The following KIT variants were observed in gnomAD, a reference collection of about 807,000 sequenced individuals.
KIT encodes the protein KIT proto-oncogene, receptor tyrosine kinase.
A neutral mutation model predicts 105.7 loss-of-function variants in KIT; 16 were observed. That is an observed-to-expected ratio of 0.15 (90% CI 0.10 to 0.23). The LOEUF is 0.23. Ranked by LOEUF, KIT falls within the 10% of genes least tolerant of loss-of-function variation. KIT has a pLI of 1.00. For synonymous variants in KIT, 438 were observed against 441.1 expected, an observed-to-expected ratio of 0.99 and a Z score of 0.09; for missense variants, 858 against 1,213.8, an observed-to-expected ratio of 0.71 and a Z score of 4.36.
At chr4:54,692,933 T>A (rs1240956738) in intron 1 of KIT, among the ~76,000 whole-genome samples, 1 of 152,206 alleles carries the variant, frequency 6.6e-6, no homozygotes, top group East Asian at 1.9e-4. Flanking sequence ...TAAACAGGAA[T>A]TGAGACTGGT....
At chr4:54,704,018 T>G in intron 5 of KIT, 126 bp downstream of exon 5, 1 of 880,024 alleles carries the variant, frequency 1.1e-6, no homozygotes, top group Non-Finnish European at 1.9e-6. Context: ...ACTGAATGAA[T>G]GAAAATTATC....
At chr4:54,680,428 G>A (rs1388351226) in intron 1 of KIT, among the ~76,000 whole-genome samples, 1 of 99,286 alleles carries the variant, frequency 1.0e-5, no homozygotes, top group Non-Finnish European at 1.9e-5. Flanking sequence ...TTTTGCTCTT[G>A]TTGCCCAGGC....
intron 7 of KIT, among the ~76,000 whole-genome samples, chr4:54,717,331 T>C (rs1721571461): frequency 6.6e-6 from 1 of 152,184 alleles, no homozygotes; most frequent in Non-Finnish European, 1.5e-5. Context: ...TTCCTCCCTA[T>C]CTCATAAGAA....
intron 1 of KIT, among the ~76,000 whole-genome samples, chr4:54,688,188 T>C (rs897994634): frequency 6.6e-6 from 1 of 152,210 alleles, no homozygotes; most frequent in African/African-American, 2.4e-5. Context: ...ATCATCTCTT[T>C]GTTTGTAAAG....
chr4:54,718,213 G>C (rs571274407), intron 7 of KIT, among the ~76,000 whole-genome samples: 9 of 152,248 alleles, frequency 5.9e-5, no homozygotes, highest in African/African-American at 1.9e-4. Flanking sequence ...CAGTTCTCCT[G>C]CCTCAGCCTC....
rs563284298 is a variant in KIT at position 54,740,526 on chromosome 4, A to G, written c.*1969A>G. 19 of 233,020 alleles carry G rather than the reference A, an allele frequency of 8.2e-5. No homozygotes were observed. The highest frequency in any genetic ancestry group is 1.5e-4 in the Non-Finnish European group (18 of 117,756). The allele number at this position is 233,020 out of a possible 1,614,324, so 14.4% of individuals were successfully genotyped here. A position where few individuals can be genotyped will look rare whatever the true frequency, so the allele number is the denominator to read the frequency against. On this transcript the variant is annotated 3_prime_UTR_variant, in exon 21 of 21. Coordinates refer to ENST00000288135, the MANE Select transcript of KIT (RefSeq NM_000222.3). ...TTTGTAAATATTGAAATGTAGCAAT[A>G]ATGTCTTTTGAATATTCCCAAGCCC...
At chr4:54,686,420 C>G (rs1719315663) in intron 1 of KIT, among the ~76,000 whole-genome samples, 1 of 152,132 alleles carries the variant, frequency 6.6e-6, no homozygotes, top group African/African-American at 2.4e-5. Context: ...AAAAGCTAAA[C>G]AGAAATTTGC....
chr4:54,663,286 CT>C (rs1717427465), intron 1 of KIT, among the ~76,000 whole-genome samples: 1 of 152,192 alleles, frequency 6.6e-6, no homozygotes, highest in Non-Finnish European at 1.5e-5. Context: ...GCTGTGTGCT[CT>C]GGGACAAGAC....
chr4:54,712,723 C>A, intron 7 of KIT, among the ~76,000 whole-genome samples: 1 of 152,152 alleles, frequency 6.6e-6, no homozygotes, highest in East Asian at 1.9e-4. Context: ...AAAAGGATAT[C>A]TTCTTGGATT....
Position 54,727,505 on chromosome 4 carries a change from T to A in KIT, c.1737T>A (p.Asp579Glu), listed in dbSNP as rs773366034. The A allele has an allele frequency of 6.2e-7, 1 of 1,614,082 alleles. No individual in the cohort carries two copies. The highest frequency in any genetic ancestry group is 1.1e-5 in the South Asian group (1 of 91,078). Reference sequence around the variant, plus strand: ...TAGACCCAACACAACTTCCTTATGATCACAAATGGGAGTTTCCCAGAAACA... The same window carrying A: ...TAGACCCAACACAACTTCCTTATGAACACAAATGGGAGTTTCCCAGAAACA... ...VYIDPTQLPYDHKWEFPRNRL... is the reference protein window; with the variant it reads ...VYIDPTQLPYEHKWEFPRNRL... The change falls in exon 11 of 21, where the codon GAT becomes GAA. Residue 579 changes from aspartate to glutamate, a missense_variant. This residue lies in a region of KIT where 78 missense variants were observed against 77.6 expected (regional missense o/e 1.01). Coordinates refer to ENST00000288135, the MANE Select transcript of KIT (RefSeq NM_000222.3).
At chr4:54,708,217 T>A (rs1720914004) in intron 6 of KIT, among the ~76,000 whole-genome samples, 1 of 152,096 alleles carries the variant, frequency 6.6e-6, no homozygotes, top group Non-Finnish European at 1.5e-5. Context: ...AGACAGTGAC[T>A]TTGTTTTGGG....
intron 17 of KIT, among the ~76,000 whole-genome samples, chr4:54,733,876 C>T (rs747781788): frequency 1.2e-4 from 18 of 152,132 alleles, no homozygotes; most frequent in Admixed American, 4.6e-4. Flanking sequence ...GGCATCCCAT[C>T]GCCATGGAAA....
intron 5 of KIT, 133 bp from the exon 6 acceptor site, chr4:54,706,965 A>G: frequency 1.6e-6 from 1 of 618,012 alleles, no homozygotes; most frequent in Non-Finnish European, 2.9e-6. Context: ...AAAAACAGCT[A>G]GTTAAAATTC....
chr4:54,731,273 G>A, intron 14 of KIT, 55 bp from the exon 15 acceptor site: 2 of 1,183,666 alleles, frequency 1.7e-6, no homozygotes, highest in Admixed American at 1.7e-5. Context: ...TGACCCATGA[G>A]TGCCCTTCTA....
intron 14 of KIT, among the ~76,000 whole-genome samples, chr4:54,730,745 G>A (rs911074855): frequency 4.6e-5 from 7 of 152,264 alleles, no homozygotes; most frequent in African/African-American, 1.7e-4. Flanking sequence ...TTGTCATGGT[G>A]TTTCTATGCT....
chr4:54,681,909 G>A (rs993625576), intron 1 of KIT, among the ~76,000 whole-genome samples: 2 of 151,764 alleles, frequency 1.3e-5, no homozygotes, highest in Non-Finnish European at 2.9e-5. Flanking sequence ...GCATGGTGGC[G>A]GAGGTTGCAG....
chr4:54,709,370 G>A, intron 6 of KIT, 54 bp from the exon 7 acceptor site: 1 of 1,100,626 alleles, frequency 9.1e-7, no homozygotes, highest in Non-Finnish European at 1.4e-6. Flanking sequence ...AAAAAGACAT[G>A]CCTTCCAAGG....
In KIT at chr4:54,731,471, T is replaced by C. The variant is rs1220364812; in HGVS notation, c.2233+52T>C. On this transcript the variant is annotated intron_variant, in intron 15 of 20. Coordinates refer to ENST00000288135, the MANE Select transcript of KIT (RefSeq NM_000222.3). ...AGAGTAACTTTACAGAGAGTATGTA[T>C]ATCATGCTAATGTGGAATATAACAT... 2.6e-6 allele frequency: 3 copies of C among 1,176,170 alleles called. No individual in the cohort carries two copies. The South Asian group carries it at 3.7e-5, about 14-fold the overall frequency. The allele number at this position is 1,176,170 out of a possible 1,614,324, so 72.9% of individuals were successfully genotyped here.
chr4:54,701,418 G>A (rs1577960471), intron 4 of KIT, among the ~76,000 whole-genome samples: 1 of 152,292 alleles, frequency 6.6e-6, no homozygotes, highest in African/African-American at 2.4e-5. Context: ...TTTGGAATAA[G>A]TTTAACTCAC....
Sources: allele counts gnomAD v4.1 joint callset (sites outside exome capture counted in the v4.1 genomes callset), GRCh38; gene constraint gnomAD v4.1.1; regional missense constraint gnomAD v4.1.1; transcripts MANE v1.5; gene names NCBI Gene and HGNC (gene_info 2026-07-23, HGNC 2026-07-21).